CTNND2: variants seen among roughly 807,000 people sequenced by gnomAD.
The protein encoded by CTNND2 is catenin delta-2.
CTNND2 carries 22 observed loss-of-function variants against 144.4 expected under a neutral mutation model. That is an observed-to-expected ratio of 0.15 (90% CI 0.11 to 0.22). The LOEUF is 0.22. Among genes scored for constraint, CTNND2 ranks in the 10% least tolerant of loss-of-function variants. CTNND2 has a pLI of 1.00. For missense variants in CTNND2, 1,353 were observed against 1,618.8 expected (o/e 0.84, Z 2.82); for synonymous variants, 751 against 695.6 (o/e 1.08, Z -1.25).
At chr5:11,625,082 G>A (rs1781081494) in intron 2 of CTNND2, among the ~76,000 whole-genome samples, 1 of 151,992 alleles carries the variant, frequency 6.6e-6, no homozygotes, top group African/African-American at 2.4e-5. Context: ...ATGACCACAT[G>A]GCTGAAACTG....
chr5:11,427,092 C>T (rs1258599479), intron 3 of CTNND2, among the ~76,000 whole-genome samples: 1 of 152,000 alleles, frequency 6.6e-6, no homozygotes, highest in Non-Finnish European at 1.5e-5. Flanking sequence ...TCTGCAATAG[C>T]ACAATACACA....
chr5:11,487,696 C>T (rs1354375240), intron 3 of CTNND2, among the ~76,000 whole-genome samples: 1 of 152,082 alleles, frequency 6.6e-6, no homozygotes, highest in Admixed American at 6.6e-5. Context: ...TAATATTTTA[C>T]ATTTTACTAT....
intron 3 of CTNND2, among the ~76,000 whole-genome samples, chr5:11,499,481 A>G (rs1311628301): frequency 6.6e-6 from 1 of 152,218 alleles, no homozygotes; most frequent in African/African-American, 2.4e-5. Context: ...ACTTTGGTAT[A>G]TCCATTACCA....
intron 9 of CTNND2, among the ~76,000 whole-genome samples, chr5:11,316,598 G>C (rs540744738): frequency 6.6e-6 from 1 of 151,270 alleles, no homozygotes; most frequent in East Asian, 1.9e-4. Context: ...CCATTAACTC[G>C]TCATTTAGCA....
At chr5:11,788,672 CATT>C (rs967385915) in intron 1 of CTNND2, among the ~76,000 whole-genome samples, 26 of 151,672 alleles carry the variant, frequency 1.7e-4, no homozygotes, top group African/African-American at 4.1e-4. Flanking sequence ...GTCTTATTAA[CATT>C]ATTATTATTA....
At chr5:11,228,366 A>AC (rs1405903953) in intron 10 of CTNND2, among the ~76,000 whole-genome samples, 1 of 146,086 alleles carries the variant, frequency 6.8e-6, no homozygotes, top group African/African-American at 2.7e-5. Flanking sequence ...AAAAAAAAAA[A>AC]AAAAAAAAAA....
chr5:11,712,117 T>C (rs1229881960), intron 2 of CTNND2, among the ~76,000 whole-genome samples: 1 of 152,174 alleles, frequency 6.6e-6, no homozygotes, highest in African/African-American at 2.4e-5. Flanking sequence ...TCATGTAGCA[T>C]AAGGTCAAGT....
intron 9 of CTNND2, among the ~76,000 whole-genome samples, chr5:11,290,799 T>C (rs552412252): frequency 1.3e-5 from 2 of 152,272 alleles, no homozygotes; most frequent in South Asian, 2.1e-4. Flanking sequence ...TGAGTCTTTT[T>C]AAAAAACTCT....
intron 12 of CTNND2, among the ~76,000 whole-genome samples, chr5:11,126,825 A>G (rs747763382): frequency 9.9e-5 from 15 of 152,230 alleles, no homozygotes; most frequent in Non-Finnish European, 1.8e-4. Context: ...TTTCCTTCAC[A>G]CTTACAGCAG....
chr5:11,651,812 AT>A (rs1451495948), intron 2 of CTNND2, among the ~76,000 whole-genome samples: 15 of 152,342 alleles, frequency 9.8e-5, no homozygotes, highest in African/African-American at 3.6e-4. Flanking sequence ...CCCTTTTGGA[AT>A]AGGGGTCTTT....
At chr5:11,056,217 A>C (rs1411496518) in intron 16 of CTNND2, among the ~76,000 whole-genome samples, 1 of 152,236 alleles carries the variant, frequency 6.6e-6, no homozygotes, top group Non-Finnish European at 1.5e-5. Flanking sequence ...GAAATGGAGA[A>C]TCTAAATAAA....
rs572968747 is a variant in CTNND2 at position 11,059,545 on chromosome 5, C to T, written c.2788+23151G>A. ...GTCTCAGGTATGTCTTTATCAGCAG[C>T]GTGAAAACGAACTAATACAGTCTTG... On this transcript the variant is annotated intron_variant, in intron 16 of 21. Coordinates refer to ENST00000304623, the MANE Select transcript of CTNND2 (RefSeq NM_001332.4). 2.2e-4 allele frequency among the ~76,000 whole-genome samples: 33 copies of T among 152,276 alleles called. 1 individual carries two copies. Among genetic ancestry groups the T allele is most frequent in the East Asian group, 1.4e-3 (7 of 5,184 alleles).
chr5:11,227,109 C>T (rs153606), intron 10 of CTNND2, among the ~76,000 whole-genome samples: 2,614 of 152,222 alleles, frequency 0.017, 52 homozygotes, highest in African/African-American at 0.05. Context: ...GATCTCAAAA[C>T]GTGGATGATG....
intron 18 of CTNND2, among the ~76,000 whole-genome samples, chr5:10,996,539 G>C (rs776854884): frequency 8.5e-5 from 13 of 152,100 alleles, no homozygotes; most frequent in Non-Finnish European, 1.5e-4. Flanking sequence ...GTGTCCTCAG[G>C]GCCGACAGGA....
chr5:11,895,674 A>T (rs61211832), intron 1 of CTNND2, among the ~76,000 whole-genome samples: 2,679 of 152,026 alleles, frequency 0.018, 83 homozygotes, highest in African/African-American at 0.057. Context: ...CTCCCAAAAT[A>T]GGAACCAATA....
chr5:11,525,692 C>A (rs1396474713), intron 3 of CTNND2, among the ~76,000 whole-genome samples: 1 of 152,170 alleles, frequency 6.6e-6, no homozygotes, highest in East Asian at 1.9e-4. Context: ...CTCCCCAGGT[C>A]TGCAGAATCC....
chr5:11,330,224 C>T (rs1752950931), intron 9 of CTNND2, among the ~76,000 whole-genome samples: 1 of 150,332 alleles, frequency 6.7e-6, no homozygotes, highest in Non-Finnish European at 1.5e-5. Flanking sequence ...GTAATCCCAG[C>T]ACTTTGGGAG....
intron 3 of CTNND2, among the ~76,000 whole-genome samples, chr5:11,478,784 A>G (rs1767985223): frequency 6.6e-6 from 1 of 152,198 alleles, no homozygotes. Context: ...TAAACTTGGA[A>G]AGGCTTCACC....
chr5:11,065,693 T>C (rs1747493675), intron 16 of CTNND2, among the ~76,000 whole-genome samples: 1 of 152,202 alleles, frequency 6.6e-6, no homozygotes, highest in Non-Finnish European at 1.5e-5. Context: ...TAAATTCTCA[T>C]CAGATGGGTT....
Sources: gnomAD v4.1 joint callset for allele counts (sites outside exome capture counted in the v4.1 genomes callset) on GRCh38, gnomAD v4.1.1 for gene constraint, MANE v1.5 for transcripts, NCBI Gene and HGNC (gene_info 2026-07-23, HGNC 2026-07-21) for gene names.